The following TKTL1 variants were observed in gnomAD, a reference collection of about 807,000 sequenced individuals.
TKTL1 encodes transketolase like 1.
A neutral mutation model predicts 39.3 loss-of-function variants in TKTL1; 1 was observed. That is an observed-to-expected ratio of 0.03 (90% CI 0.01 to 0.12). The LOEUF (loss-of-function observed/expected upper bound fraction) is 0.12. Among genes scored for constraint, TKTL1 ranks in the 10% least tolerant of loss-of-function variants. TKTL1 has a pLI of 1.00. For synonymous variants in TKTL1, 262 were observed against 193.8 expected (o/e 1.35, Z -2.92); for missense variants, 575 against 509.6 (o/e 1.13, Z -1.24).
chrX:154,298,048 T>C (rs1042144909), intron 1 of TKTL1, among the ~76,000 whole-genome samples: 18 of 111,928 alleles, frequency 1.6e-4, no homozygotes, highest in African/African-American at 5.9e-4. Context: ...TAGTTGTAGG[T>C]CTATTCAGAT....
At chrX:154,316,055 CTT>C (rs1557169312) in intron 7 of TKTL1, among the ~76,000 whole-genome samples, 1 of 111,793 alleles carries the variant, frequency 8.9e-6, no homozygotes, top group African/African-American at 3.3e-5. Context: ...CCACCAGTGA[CTT>C]TATTTATAAC....
chrX:154,298,933 C>T (rs1557165267), intron 1 of TKTL1, among the ~76,000 whole-genome samples: 1 of 109,484 alleles, frequency 9.1e-6, no homozygotes. Context: ...TGGTTTCAGA[C>T]CCCTGGCCTC....
At chrX:154,304,795 G>A in intron 1 of TKTL1, 1 of 259,149 alleles carries the variant, frequency 3.9e-6, no homozygotes, top group Non-Finnish European at 7.4e-6. Context: ...AATTAATTAG[G>A]GCCTGGCTGG....
At chrX:154,323,625 T>A (rs2067470066) in intron 9 of TKTL1, among the ~76,000 whole-genome samples, 2 of 111,525 alleles carry the variant, frequency 1.8e-5, no homozygotes, top group Admixed American at 1.9e-4. Flanking sequence ...GAGAAGGTGT[T>A]TAACAAAGGG....
chrX:154,312,522 C>G, intron 5 of TKTL1, 58 bp from the exon 6 acceptor site: 1 of 1,120,059 alleles, frequency 8.9e-7, no homozygotes, highest in Non-Finnish European at 1.2e-6. Flanking sequence ...TTCAGGTGAC[C>G]TCATAGGCAC....
At chrX:154,302,469 C>T (rs1322605489) in intron 1 of TKTL1, among the ~76,000 whole-genome samples, 14 of 111,108 alleles carry the variant, frequency 1.3e-4, no homozygotes, top group African/African-American at 4.6e-4. Context: ...CTACTGGGCT[C>T]AAGAGCACTA....
intron 2 of TKTL1, among the ~76,000 whole-genome samples, chrX:154,307,118 C>T (rs930055884): frequency 3.6e-5 from 4 of 110,111 alleles, no homozygotes; most frequent in African/African-American, 9.9e-5. Flanking sequence ...ACAAAAAATA[C>T]GAAAATTAGC....
chrX:154,329,375 C>T, intron 12 of TKTL1, 141 bp from the exon 13 acceptor site: 2 of 582,568 alleles, frequency 3.4e-6, no homozygotes, highest in Non-Finnish European at 2.7e-6. Flanking sequence ...AGAATGAGAA[C>T]TCCGCAGGCC....
intron 1 of TKTL1, among the ~76,000 whole-genome samples, chrX:154,296,216 C>T (rs782510189): frequency 7.2e-5 from 8 of 111,268 alleles, no homozygotes; most frequent in Admixed American, 1.9e-4. Context: ...TGGTCAGCCG[C>T]GGGTTCTGGA....
At chrX:154,296,696 A>G (rs190866586) in intron 1 of TKTL1, among the ~76,000 whole-genome samples, 8 of 110,890 alleles carry the variant, frequency 7.2e-5, no homozygotes, top group African/African-American at 2.3e-4. Flanking sequence ...GCTTCATAGG[A>G]TGTTTCAAAG....
chrX:154,295,838 A>G lies in TKTL1; in HGVS notation c.-22A>G, dbSNP rs2067221056. On this transcript the variant is annotated 5_prime_UTR_variant, in exon 1 of 13. Coordinates refer to ENST00000369915, the MANE Select transcript of TKTL1 (RefSeq NM_012253.4). ...GCCGGAGACGTAGGAGTGGGTCTTC[A>G]GACTCCAAAGGGGTTGGACTAATGG... 8.3e-7 allele frequency: 1 copy of G among 1,205,567 alleles called. No homozygotes were observed. Among genetic ancestry groups the G allele is most frequent in the Non-Finnish European group, 1.1e-6 (1 of 892,073 alleles).
intron 1 of TKTL1, among the ~76,000 whole-genome samples, chrX:154,302,094 C>T (rs1175355981): frequency 1.8e-5 from 2 of 110,918 alleles, no homozygotes; most frequent in African/African-American, 6.6e-5. Context: ...GCATATCTCA[C>T]TTCTATCGTA....
chrX:154,314,553 T>G (rs782516552), intron 6 of TKTL1, among the ~76,000 whole-genome samples: 3 of 109,949 alleles, frequency 2.7e-5, no homozygotes, highest in African/African-American at 1.0e-4. Flanking sequence ...TGAGATGGAG[T>G]CTCGCTCAGT....
chrX:154,297,225 A>G (rs985790709), intron 1 of TKTL1, among the ~76,000 whole-genome samples: 1 of 109,821 alleles, frequency 9.1e-6, no homozygotes, highest in Non-Finnish European at 1.9e-5. Context: ...CATCAGTATA[A>G]GGGATATTGG....
intron 1 of TKTL1, among the ~76,000 whole-genome samples, chrX:154,298,999 G>A (rs1318175618): frequency 9.1e-6 from 1 of 109,864 alleles, no homozygotes; most frequent in Non-Finnish European, 1.9e-5. Flanking sequence ...GTGAGCCACC[G>A]CACCCGGCCA....
intron 7 of TKTL1, among the ~76,000 whole-genome samples, chrX:154,315,878 T>A (rs1290410917): frequency 1.8e-5 from 2 of 111,991 alleles, no homozygotes; most frequent in African/African-American, 6.5e-5. Context: ...CAGAGTGATA[T>A]TAATGCAGGG....
intron 10 of TKTL1, chrX:154,327,275 T>G: frequency 4.6e-6 from 2 of 437,238 alleles, no homozygotes; most frequent in Non-Finnish European, 8.9e-6. Context: ...GCACTCAGCG[T>G]GTTGCCAATG....
At chrX:154,312,551 A>G (rs1569550942) in intron 5 of TKTL1, 29 bp from the exon 6 acceptor site, 1 of 1,186,144 alleles carries the variant, frequency 8.4e-7, no homozygotes. Context: ...TATTTATGGA[A>G]TGGATGTCTT....
rs781819786 is a variant in TKTL1 at position 154,307,831 on chromosome X, G to A, written c.253-1514G>A. On this transcript the variant is annotated intron_variant, in intron 2 of 12. Transcript: ENST00000369915. ...TGGGTGCCATAGGGAGGGAGATGTG[G>A]CTAGAGGCATAGTCAAAAGAGACTT... is the stretch of plus-strand genomic sequence containing the variant. Among the ~76,000 whole-genome samples the A allele has an allele frequency of 1.6e-4, 18 of 112,149 alleles. 1 individual carries two copies. The Middle Eastern group carries it at 0.018, about 114-fold the overall frequency.
Sources: gnomAD v4.1 joint callset for allele counts (sites outside exome capture counted in the v4.1 genomes callset) on GRCh38, gnomAD v4.1.1 for gene constraint, MANE v1.5 for transcripts, NCBI Gene and HGNC (gene_info 2026-07-23, HGNC 2026-07-21) for gene names.